The following CAMK1D variants were observed in gnomAD, a reference collection of about 807,000 sequenced individuals.
CAMK1D encodes calcium/calmodulin-dependent protein kinase type 1D.
CAMK1D carries 9 observed loss-of-function variants against 47.7 expected under a neutral mutation model. The observed-to-expected ratio is 0.19, with a 90% CI of 0.11 to 0.33. CAMK1D has a LOEUF of 0.33. Among genes scored for constraint, CAMK1D ranks in the 10% least tolerant of loss-of-function variants. The probability of loss-of-function intolerance (pLI) is 1.00; values close to 1 mark genes in which losing one functional copy is unlikely to be tolerated. For synonymous variants in CAMK1D, 184 were observed against 184.9 expected (o/e 0.99, Z 0.04); for missense variants, 291 against 488.7 (o/e 0.60, Z 3.81).
intron 2 of CAMK1D, among the ~76,000 whole-genome samples, chr10:12,626,150 GTTTTC>G (rs1267287618): frequency 1.3e-5 from 2 of 151,936 alleles, no homozygotes. Flanking sequence ...TATGTGATTA[GTTTTC>G]TTTTATTTTA....
chr10:12,470,997 C>T (rs1436002634), intron 1 of CAMK1D, among the ~76,000 whole-genome samples: 5 of 152,174 alleles, frequency 3.3e-5, no homozygotes, highest in South Asian at 2.1e-4. Context: ...TTGTTAGAGC[C>T]GCTTTATGAC....
intron 4 of CAMK1D, 129 bp from the exon 5 acceptor site, chr10:12,769,544 T>C: frequency 1.1e-6 from 1 of 935,642 alleles, no homozygotes. Flanking sequence ...CTTTAGTTGA[T>C]GCATCTACTG....
At chr10:12,546,802 G>GA (rs1836387864) in intron 1 of CAMK1D, among the ~76,000 whole-genome samples, 1 of 149,408 alleles carries the variant, frequency 6.7e-6, no homozygotes, top group Non-Finnish European at 1.5e-5. Context: ...ACACACCGGG[G>GA]ACTGTTGTGG....
At chr10:12,365,728 A>G (rs1837812857) in intron 1 of CAMK1D, among the ~76,000 whole-genome samples, 1 of 151,364 alleles carries the variant, frequency 6.6e-6, no homozygotes, top group Non-Finnish European at 1.5e-5. Flanking sequence ...GTAAGCCACC[A>G]CGCCCGGCCT....
intron 1 of CAMK1D, among the ~76,000 whole-genome samples, chr10:12,354,808 G>A (rs1350198938): frequency 6.6e-6 from 1 of 151,160 alleles, no homozygotes; most frequent in Non-Finnish European, 1.5e-5. Context: ...TTCCTTGTGT[G>A]GCTAGGTGCA....
intron 6 of CAMK1D, among the ~76,000 whole-genome samples, chr10:12,794,831 A>T (rs1003462967): frequency 6.6e-6 from 1 of 152,178 alleles, no homozygotes; most frequent in African/African-American, 2.4e-5. Context: ...AATCCTGGGT[A>T]TGATTGACCA....
chr10:12,537,315 G>T (rs573441736), intron 1 of CAMK1D, among the ~76,000 whole-genome samples: 1 of 152,120 alleles, frequency 6.6e-6, no homozygotes, highest in African/African-American at 2.4e-5. Flanking sequence ...CAAGTGATCC[G>T]CCTGCCTTGA....
At chr10:12,452,713 G>T (rs968924463) in intron 1 of CAMK1D, among the ~76,000 whole-genome samples, 12 of 151,954 alleles carry the variant, frequency 7.9e-5, no homozygotes, top group Admixed American at 2.6e-4. Context: ...AGCCTCCCGA[G>T]TAGTTGGGAT....
rs1836845513 is a variant in CAMK1D at position 12,558,763 on chromosome 10, G to A, written c.224+5407G>A. ...TGGAAAAACTGAGGCTCAGTTTGGTGGAAGGGGTACTGTCTGAATGAAACA... is the reference window on the plus strand; with the variant it reads ...TGGAAAAACTGAGGCTCAGTTTGGTAGAAGGGGTACTGTCTGAATGAAACA... On this transcript the variant is annotated intron_variant, in intron 2 of 10. Transcript: ENST00000619168. 4.6e-5 allele frequency among the ~76,000 whole-genome samples: 7 copies of A among 152,284 alleles called. No homozygotes were observed. In the South Asian group the frequency reaches 1.5e-3, roughly 32 times the overall value.
chr10:12,732,592 C>A (rs1344504240), intron 3 of CAMK1D, among the ~76,000 whole-genome samples: 1 of 152,006 alleles, frequency 6.6e-6, no homozygotes, highest in South Asian at 2.1e-4. Flanking sequence ...CCTGGTAAAC[C>A]CATCAGATCT....
intron 3 of CAMK1D, among the ~76,000 whole-genome samples, chr10:12,745,874 G>A (rs1835650535): frequency 6.6e-6 from 1 of 152,148 alleles, no homozygotes; most frequent in Non-Finnish European, 1.5e-5. Flanking sequence ...AAAGTGCTGG[G>A]ATTACAGGCA....
At chr10:12,638,795 A>C (rs1301447752) in intron 2 of CAMK1D, among the ~76,000 whole-genome samples, 1 of 152,122 alleles carries the variant, frequency 6.6e-6, no homozygotes, top group Admixed American at 6.5e-5. Context: ...CAAATCTATA[A>C]ATGTGGAAGA....
chr10:12,764,869 A>T (rs1005152251), intron 4 of CAMK1D, among the ~76,000 whole-genome samples: 1 of 152,124 alleles, frequency 6.6e-6, no homozygotes, highest in African/African-American at 2.4e-5. Context: ...GCTGAGGTAG[A>T]TAGATCGCCT....
At chr10:12,538,605 T>C (rs1231037122) in intron 1 of CAMK1D, among the ~76,000 whole-genome samples, 1 of 152,138 alleles carries the variant, frequency 6.6e-6, no homozygotes, top group Non-Finnish European at 1.5e-5. Flanking sequence ...TGTCTTGCGA[T>C]GATGAGGATG....
chr10:12,466,593 T>TC (rs34498323), intron 1 of CAMK1D, among the ~76,000 whole-genome samples: 1 of 54,066 alleles, frequency 1.8e-5, no homozygotes, highest in Non-Finnish European at 3.9e-5. Flanking sequence ...TCTGAATTTC[T>TC]TTTTTTTTTT....
chr10:12,463,630 CTT>C (rs1259461485), intron 1 of CAMK1D, among the ~76,000 whole-genome samples: 1 of 151,372 alleles, frequency 6.6e-6, no homozygotes, highest in African/African-American at 2.4e-5. Flanking sequence ...GATTACCACT[CTT>C]TTGTTTTCAC....
In CAMK1D at chr10:12,831,181, G is replaced by C. The variant is rs1204128387; in HGVS notation, c.*2294G>C. On this transcript the variant is annotated 3_prime_UTR_variant, in exon 11 of 11. Coordinates refer to ENST00000619168, the MANE Select transcript of CAMK1D (RefSeq NM_153498.4). ...CTGCAAAATCTAAAAACCCTGGAAA[G>C]GTCTATAAGATGACATTAGACCCAG... The C allele has an allele frequency of 6.6e-6, 1 of 152,152 alleles. No individual in the cohort carries two copies. Among genetic ancestry groups the C allele is most frequent in the Non-Finnish European group, 1.5e-5 (1 of 68,034 alleles). 9.4% of individuals were successfully genotyped at this position (152,152 alleles called of 1,614,324 possible).
chr10:12,716,412 T>C (rs1266887868), intron 3 of CAMK1D, among the ~76,000 whole-genome samples: 1 of 152,192 alleles, frequency 6.6e-6, no homozygotes, highest in African/African-American at 2.4e-5. Flanking sequence ...TTTCTTGACT[T>C]TGCCAGAAAA....
chr10:12,516,108 A>AGTTT (rs906387419), intron 1 of CAMK1D, among the ~76,000 whole-genome samples: 1 of 151,386 alleles, frequency 6.6e-6, no homozygotes, highest in East Asian at 2.0e-4. Context: ...GGTTCTTTCC[A>AGTTT]GTTTGTTTGT....
Sources: gnomAD v4.1 joint callset for allele counts (sites outside exome capture counted in the v4.1 genomes callset) on GRCh38, gnomAD v4.1.1 for gene constraint, MANE v1.5 for transcripts, NCBI Gene and HGNC (gene_info 2026-07-23, HGNC 2026-07-21) for gene names.